The following NR1H4 variants were observed in gnomAD, a reference collection of about 807,000 sequenced individuals.
NR1H4 encodes the protein nuclear receptor subfamily 1 group H member 4.
In NR1H4, 23 loss-of-function variants were observed where a neutral mutation model predicts 58.5. That is an observed-to-expected ratio of 0.39 (90% CI 0.28 to 0.56). The LOEUF is 0.56. NR1H4 is among the 20% of genes least tolerant of loss of function. The pLI, the probability that NR1H4 is intolerant of heterozygous loss-of-function variation, is 0.58. For missense variants in NR1H4, 487 were observed against 576.9 expected, an observed-to-expected ratio of 0.84 and a Z score of 1.60; for synonymous variants, 214 against 198.0, an observed-to-expected ratio of 1.08 and a Z score of -0.68.
chr12:100,496,728 C>T (rs1953724276), intron 3 of NR1H4, among the ~76,000 whole-genome samples: 1 of 152,182 alleles, frequency 6.6e-6, no homozygotes, highest in South Asian at 2.1e-4. Flanking sequence ...TGGTCCTGGG[C>T]ATGGTCCCCT....
intron 9 of NR1H4, among the ~76,000 whole-genome samples, chr12:100,553,979 C>G (rs1955265775): frequency 6.6e-6 from 1 of 152,236 alleles, no homozygotes; most frequent in Non-Finnish European, 1.5e-5. Context: ...ATGAGACCAA[C>G]AGTGGCTGGA....
At chr12:100,527,857 A>G (rs1478807517) in intron 4 of NR1H4, among the ~76,000 whole-genome samples, 2 of 152,176 alleles carry the variant, frequency 1.3e-5, no homozygotes, top group Non-Finnish European at 1.5e-5. Context: ...TATTATCCCT[A>G]AAACTTAAAG....
chr12:100,545,641 C>CAAAAAAAAAAAAAA (rs35404680), intron 9 of NR1H4, among the ~76,000 whole-genome samples: 6 of 7,880 alleles, frequency 7.6e-4, no homozygotes, highest in African/African-American at 2.6e-3. Context: ...GACCTTGTCT[C>CAAAAAAAAAAAAAA]AAAAAAAAAA....
chr12:100,555,888 T>C (rs1304399339), intron 9 of NR1H4, among the ~76,000 whole-genome samples: 1 of 152,192 alleles, frequency 6.6e-6, no homozygotes, highest in Non-Finnish European at 1.5e-5. Flanking sequence ...CTCTGCACTT[T>C]AAGTTGTATC....
intron 4 of NR1H4, among the ~76,000 whole-genome samples, chr12:100,524,508 T>G (rs1469443610): frequency 2.0e-5 from 3 of 152,206 alleles, no homozygotes; most frequent in Admixed American, 2.0e-4. Context: ...CCAGCACAGC[T>G]TGGCTGTCCT....
chr12:100,494,785 T>C (rs1593049410), intron 3 of NR1H4, among the ~76,000 whole-genome samples: 2 of 152,206 alleles, frequency 1.3e-5, no homozygotes, highest in African/African-American at 2.4e-5. Flanking sequence ...CACAGAATAA[T>C]TAGGACTATT....
chr12:100,493,490 C>A (rs546444795), intron 3 of NR1H4, 88 bp downstream of exon 3: 2 of 725,224 alleles, frequency 2.8e-6, no homozygotes, highest in African/African-American at 3.5e-5. Context: ...GAGTCCAGCC[C>A]AGGGTCAAGA....
intron 9 of NR1H4, among the ~76,000 whole-genome samples, chr12:100,557,762 A>G (rs1443709546): frequency 1.3e-5 from 2 of 152,216 alleles, no homozygotes; most frequent in Non-Finnish European, 2.9e-5. Flanking sequence ...TCTGGTAAGT[A>G]TACCTTAGAT....
Position 100,503,076 on chromosome 12 carries a change from ACCATTCTG to A in NR1H4, c.80-7698_80-7691del, listed in dbSNP as rs1955536109. Among the ~76,000 whole-genome samples, 10 of 152,330 alleles carry A rather than the reference ACCATTCTG, an allele frequency of 6.6e-5. No homozygotes were observed. The South Asian group carries it at 2.1e-3, about 32-fold the overall frequency. Reference sequence around the variant, plus strand: ...ATCATACCATTCCATTTTAAATCATACCATTCTGCCACCTTTTGATGGGGACAAATGTC... The same window carrying A: ...ATCATACCATTCCATTTTAAATCATACCACCTTTTGATGGGGACAAATGTC... On this transcript the variant is annotated intron_variant, in intron 3 of 10. Transcript: ENST00000392986.
intron 3 of NR1H4, chr12:100,499,992 C>T (rs906355567): frequency 4.4e-6 from 2 of 455,638 alleles, no homozygotes; most frequent in Non-Finnish European, 8.8e-6. Context: ...CTCTATTTGC[C>T]ACTAAAATTC....
In NR1H4 at chr12:100,535,881, A is replaced by G. The variant is rs181410312; in HGVS notation, c.733-631A>G. ...GAATTGTCCAGATTGTTGACTCTCTATTTTAGGGGTTGACAAACTTTTTTT... is the reference window on the plus strand; with the variant it reads ...GAATTGTCCAGATTGTTGACTCTCTGTTTTAGGGGTTGACAAACTTTTTTT... On this transcript the variant is annotated intron_variant, in intron 6 of 10. Transcript: ENST00000392986. Among the ~76,000 whole-genome samples the G allele has an allele frequency of 1.3e-3, 195 of 152,284 alleles. 1 individual carries two copies. Among genetic ancestry groups the G allele is most frequent in the Admixed American group, 0.011 (165 of 15,294 alleles).
intron 9 of NR1H4, among the ~76,000 whole-genome samples, chr12:100,559,992 T>C (rs1040260059): frequency 6.6e-6 from 1 of 152,206 alleles, no homozygotes; most frequent in Admixed American, 6.5e-5. Context: ...AGAACCTTTA[T>C]GCCTAGCTCA....
At chr12:100,504,561 A>C (rs1953913153) in intron 3 of NR1H4, among the ~76,000 whole-genome samples, 1 of 152,230 alleles carries the variant, frequency 6.6e-6, no homozygotes, top group Non-Finnish European at 1.5e-5. Flanking sequence ...CAAAGAGTTC[A>C]CAGACTAATC....
chr12:100,543,391 G>A (rs1265416911), intron 9 of NR1H4, among the ~76,000 whole-genome samples: 1 of 152,154 alleles, frequency 6.6e-6, no homozygotes, highest in Non-Finnish European at 1.5e-5. Flanking sequence ...GTTAGGGTAA[G>A]CCAGAACAGA....
At chr12:100,503,459 A>AT in intron 3 of NR1H4, 1 of 1,597,548 alleles carries the variant, frequency 6.3e-7, no homozygotes, top group Non-Finnish European at 8.5e-7. Context: ...CGCCGTCAGG[A>AT]TTTTTCATGG....
intron 1 of NR1H4, among the ~76,000 whole-genome samples, chr12:100,480,035 A>T (rs1458088678): frequency 6.6e-6 from 1 of 152,100 alleles, no homozygotes; most frequent in African/African-American, 2.4e-5. Flanking sequence ...TTATTTGTTG[A>T]CTTGTGTATT....
chr12:100,501,097 G>T lies in NR1H4; in HGVS notation c.79+7695G>T, dbSNP rs1054277931. On this transcript the variant is annotated intron_variant, in intron 3 of 10. Transcript: ENST00000392986. ...TGTGTGAATTTCACTCAGCAACAAGGGTTTCCTGGGTCAGCTAAATAATCC... is the reference window on the plus strand; with the variant it reads ...TGTGTGAATTTCACTCAGCAACAAGTGTTTCCTGGGTCAGCTAAATAATCC... Among the ~76,000 whole-genome samples, 4 of 151,436 alleles carry T rather than the reference G, an allele frequency of 2.6e-5. No homozygotes were observed. In the Admixed American group the frequency reaches 2.6e-4, roughly 10 times the overall value.
At chr12:100,522,043 C>A (rs1009725629) in intron 4 of NR1H4, among the ~76,000 whole-genome samples, 3 of 151,950 alleles carry the variant, frequency 2.0e-5, no homozygotes, top group Non-Finnish European at 4.4e-5. Flanking sequence ...AATTACTTAA[C>A]CTTTCTGATC....
intron 4 of NR1H4, among the ~76,000 whole-genome samples, chr12:100,515,165 CTTTTTTTTTTTT>C (rs59404984): frequency 1.1e-4 from 10 of 94,860 alleles, no homozygotes; most frequent in African/African-American, 3.7e-4. Context: ...TTTGTCAAAG[CTTTTTTTTTTTT>C]TTTTTTTTTT....
Sources: gnomAD v4.1 joint callset for allele counts (sites outside exome capture counted in the v4.1 genomes callset) on GRCh38, gnomAD v4.1.1 for gene constraint, MANE v1.5 for transcripts, NCBI Gene and HGNC (gene_info 2026-07-23, HGNC 2026-07-21) for gene names.